The following RBM10 variants were observed in gnomAD, a reference collection of about 807,000 sequenced individuals.
RBM10 encodes the protein RNA binding motif protein 10, also known as RNA-binding protein 10.
A neutral mutation model predicts 84.9 loss-of-function variants in RBM10; 1 was observed. The observed-to-expected ratio is 0.01, with a 90% CI of 0.00 to 0.06. RBM10 has a LOEUF of 0.06. Ranked by LOEUF, RBM10 falls within the 10% of genes least tolerant of loss-of-function variation. The pLI, the probability that RBM10 is intolerant of heterozygous loss-of-function variation, is 1.00. For synonymous variants in RBM10, 326 were observed against 344.5 expected, an observed-to-expected ratio of 0.95 and a Z score of 0.60; for missense variants, 438 against 839.0, an observed-to-expected ratio of 0.52 and a Z score of 5.90.
Position 47,145,261 on chromosome X carries a change from C to T in RBM10, c.-350C>T. The stretch of plus-strand genomic sequence containing the variant: ...GTCGGAGCGCCGACTCCCTTCTCGT[C>T]GTCGCCATTTTGAGCTGGTGACTGT... On this transcript the variant is annotated 5_prime_UTR_variant, in exon 1 of 24. Coordinates refer to ENST00000377604, the MANE Select transcript of RBM10 (RefSeq NM_005676.5). 1 of 498,552 alleles carries T rather than the reference C, an allele frequency of 2.0e-6. No homozygotes were observed. Among genetic ancestry groups the T allele is most frequent in the Non-Finnish European group, 3.5e-6 (1 of 285,712 alleles). The allele number at this position is 498,552 out of a possible 1,213,427, so 41.1% of individuals were successfully genotyped here. A position where few individuals can be genotyped will look rare whatever the true frequency, so the allele number is the denominator to read the frequency against.
Position 47,171,192 on chromosome X carries a change from G to A in RBM10, c.366G>A (p.Glu122=), listed in dbSNP as rs2147136636. ...GEEEEEEEDE[E]EEEKASNIVM... ...AGGAGGAGGAGGAGGAGGATGAGGA[G>A]GAGGAGGAGAAGGCCAGTAACATCG... The change falls in exon 4 of 24, where the codon GAG becomes GAA. Residue 122 remains glutamate, a synonymous_variant. Transcript: ENST00000377604. 8.3e-7 allele frequency: 1 copy of A among 1,208,840 alleles called. No homozygotes were observed. The highest frequency in any genetic ancestry group is 1.1e-6 in the Non-Finnish European group (1 of 894,448).
intron 2 of RBM10, among the ~76,000 whole-genome samples, chrX:47,149,882 G>A (rs1200426585): frequency 6.0e-5 from 6 of 100,310 alleles, no homozygotes; most frequent in East Asian, 3.1e-4. Context: ...GTACAATGGC[G>A]CGATCTCGGC....
chrX:47,186,516 A>C lies in RBM10; in HGVS notation c.2710A>C (p.Ser904Arg). 4 of 1,210,677 alleles carry C rather than the reference A, an allele frequency of 3.3e-6. No individual in the cohort carries two copies. Among genetic ancestry groups the C allele is most frequent in the Non-Finnish European group, 4.5e-6 (4 of 894,824 alleles). Residue 904 changes from serine (S) to arginine (R), a missense_variant, in exon 24 of 24, where the codon AGC becomes CGC. Ser to Arg is a moderately radical substitution (Grantham distance 110). Coordinates refer to ENST00000377604, the MANE Select transcript of RBM10 (RefSeq NM_005676.5). ...GGGCTCCGGCCTGGGTGCACGGGGC[A>C]GCTCCTACGGGGTCACCTCAACCGA... is the stretch of plus-strand genomic sequence containing the variant. ...VRGSGLGARGSSYGVTSTESY... is the reference protein window; with the variant it reads ...VRGSGLGARGRSYGVTSTESY...
intron 6 of RBM10, 119 bp from the exon 7 acceptor site, chrX:47,176,381 C>G: frequency 7.0e-6 from 8 of 1,144,721 alleles, no homozygotes; most frequent in Non-Finnish European, 9.4e-6. Flanking sequence ...TCCGACCTCC[C>G]TCCGTTCCCT....
chrX:47,181,366 G>A lies in RBM10; in HGVS notation c.1400G>A (p.Gly467Asp), dbSNP rs782379006. Reference protein sequence around the residue: ...HGYLKGTKGPGITGTKGDPTG... With the variant: ...HGYLKGTKGPDITGTKGDPTG... ...TACCTCAAGGGCACCAAGGGCCCTGGCATCACTGGAACCAAAGGGGATCCC... is the reference window on the plus strand; with the variant it reads ...TACCTCAAGGGCACCAAGGGCCCTGACATCACTGGAACCAAAGGGGATCCC... Residue 467 changes from glycine (G) to aspartate (D), a missense_variant, in exon 13 of 24, where the codon GGC becomes GAC. Physicochemically the swap from Gly to Asp is moderately conservative, Grantham distance 94. Around this residue, in one of 8 missense-constraint regions of RBM10, gnomAD observed 97 missense variants for 110.3 expected, o/e 0.88. Coordinates refer to ENST00000377604, the MANE Select transcript of RBM10 (RefSeq NM_005676.5). 1.7e-6 allele frequency: 2 copies of A among 1,206,508 alleles called. No homozygotes were observed. The highest frequency in any genetic ancestry group is 2.2e-6 in the Non-Finnish European group (2 of 892,675).
rs1556761602 is a variant in RBM10 at position 47,145,423 on chromosome X, AG to A, written c.-186del. On this transcript the variant is annotated 5_prime_UTR_variant, in exon 1 of 24. Transcript: ENST00000377604. The stretch of plus-strand genomic sequence containing the variant: ...GCTCCGGCTGAGCTGGGAGAGTTGG[AG>A]GAGGTGGCGGCGGGCAGAGGTGATG... 4 of 1,149,111 alleles carry A rather than the reference AG, an allele frequency of 3.5e-6. No individual in the cohort carries two copies. In the African/African-American group the frequency reaches 7.3e-5, roughly 21 times the overall value. The allele number at this position is 1,149,111 out of a possible 1,213,427, so 94.7% of individuals were successfully genotyped here.
In RBM10 at chrX:47,179,429, C is replaced by G. The variant is rs2147168861; in HGVS notation, c.835C>G (p.Gln279Glu). ...TCCCCTGCCGCAGCCCTACCAGGCC[C>G]AGGGAGTCCTGGCCTCCCAAGCCCT... Reference protein sequence around the residue: ...LLPLPQPYQAQGVLASQALSQ... With the variant: ...LLPLPQPYQAEGVLASQALSQ... Residue 279 changes from glutamine to glutamate, a missense_variant, in exon 9 of 24, where the codon CAG becomes GAG. Gln to Glu is a conservative substitution (Grantham distance 29, BLOSUM62 2). Transcript: ENST00000377604. The G allele has an allele frequency of 1.7e-6, 2 of 1,203,656 alleles. No individual in the cohort carries two copies. The highest frequency in any genetic ancestry group is 2.2e-6 in the Non-Finnish European group (2 of 893,854).
intron 2 of RBM10, 77 bp from the exon 3 acceptor site, chrX:47,169,238 A>G (rs1037199334): frequency 9.7e-7 from 1 of 1,030,127 alleles, no homozygotes; most frequent in Non-Finnish European, 1.3e-6. Flanking sequence ...ACCCTACGAG[A>G]ACACATCACC....
chrX:47,174,456 G>C (rs1934963550), intron 5 of RBM10, among the ~76,000 whole-genome samples: 1 of 111,412 alleles, frequency 9.0e-6, no homozygotes, highest in African/African-American at 3.3e-5. Context: ...AACCGCCCCT[G>C]GTTTCCAATG....
At chrX:47,180,729 A>T (rs1935469746) in intron 12 of RBM10, among the ~76,000 whole-genome samples, 1 of 111,440 alleles carries the variant, frequency 9.0e-6, no homozygotes, top group Non-Finnish European at 1.9e-5. Flanking sequence ...CCATGCGCTC[A>T]TGTACGACGC....
At chrX:47,157,667 C>T in intron 2 of RBM10, 2 of 533,935 alleles carry the variant, frequency 3.7e-6, no homozygotes, top group South Asian at 5.0e-5. Flanking sequence ...GCACCAGCTC[C>T]AGGGACTGGC....
intron 2 of RBM10, among the ~76,000 whole-genome samples, chrX:47,166,779 C>CT (rs782819269): frequency 0.012 from 1,073 of 91,004 alleles, 7 homozygotes; most frequent in East Asian, 0.026. Flanking sequence ...GCAAAATTTT[C>CT]TTTTTTTTTT....
In RBM10 at chrX:47,186,278, G is replaced by A. The variant is rs2147225570; in HGVS notation, c.2558G>A (p.Arg853Gln). 5 of 1,208,110 alleles carry A rather than the reference G, an allele frequency of 4.1e-6. No homozygotes were observed. The highest frequency in any genetic ancestry group is 4.5e-6 in the Non-Finnish European group (4 of 893,374). Residue 853 changes from arginine (R) to glutamine (Q), a missense_variant, in exon 23 of 24, where the codon CGG (arginine) becomes CAG (glutamine). Physicochemically the swap from Arg to Gln is conservative, Grantham distance 43. Coordinates refer to ENST00000377604, the MANE Select transcript of RBM10 (RefSeq NM_005676.5). ...TASVDFEQPT[R>Q]DGLGSDNIGS... ...TGCAGAGACTTCGAGCAGCCTACTC[G>A]GGACGGGCTGGGCAGTGACAACATT...
rs2147219659 is a variant in RBM10, at chrX:47,185,732, A to G, written c.2372A>G (p.His791Arg). 8.3e-7 allele frequency: 1 copy of G among 1,211,444 alleles called. No homozygotes were observed. Among genetic ancestry groups the G allele is most frequent in the Non-Finnish European group, 1.1e-6 (1 of 895,372 alleles). Residue 791 changes from histidine to arginine, a missense_variant, in exon 21 of 24, where the codon CAC (histidine) becomes CGC (arginine). Physicochemically the swap from His to Arg is conservative, Grantham distance 29. Transcript: ENST00000377604. ...CTCTTGCAGCAAAACCTTGAGATTC[A>G]CCGGCGAGCCCACTTGTCAGAAAAC... ...SGLHKQNLEIHRRAHLSENEL... is the reference protein window; with the variant it reads ...SGLHKQNLEIRRRAHLSENEL...
intron 2 of RBM10, among the ~76,000 whole-genome samples, chrX:47,166,721 CT>C (rs782119624): frequency 1.8e-5 from 2 of 109,492 alleles, no homozygotes; most frequent in African/African-American, 6.6e-5. Context: ...AATCCTCCCA[CT>C]TTCACCCCGC....
At position 47,171,013 on chromosome X, in the gene RBM10, C is replaced by G. The variant is rs1569184334; in HGVS notation, c.202-15C>G. Reference sequence around the variant, plus strand: ...ACTGCCCGTCTGGTGTCACTCATCTCATTCTGTCGGCCAGGATTCCTACGA... The same window carrying G: ...ACTGCCCGTCTGGTGTCACTCATCTGATTCTGTCGGCCAGGATTCCTACGA... On this transcript the variant is annotated splice_polypyrimidine_tract_variant and intron_variant, in intron 3 of 23. Coordinates refer to ENST00000377604, the MANE Select transcript of RBM10 (RefSeq NM_005676.5). 2.2e-5 allele frequency: 27 copies of G among 1,207,701 alleles called. No individual in the cohort carries two copies. Among genetic ancestry groups the G allele is most frequent in the Non-Finnish European group, 2.9e-5 (26 of 891,975 alleles).
intron 2 of RBM10, chrX:47,157,599 GGGAAGGAGTCCA>G (rs1556765560): frequency 2.1e-6 from 1 of 468,973 alleles, no homozygotes; most frequent in Non-Finnish European, 3.9e-6. Context: ...TCTGACGGCA[GGGAAGGAGTCCA>G]GGACGATGGT....
chrX:47,153,534 T>G (rs1932879466), intron 2 of RBM10, among the ~76,000 whole-genome samples: 1 of 112,285 alleles, frequency 8.9e-6, no homozygotes, highest in South Asian at 3.6e-4. Flanking sequence ...TCATGAGTTT[T>G]TGGCAGAAAT....
In RBM10 at chrX:47,171,161, GGGA is replaced by G. The variant is rs781822942; in HGVS notation, c.357_359del (p.Glu119del). 3.3e-4 allele frequency: 387 copies of G among 1,182,515 alleles called. No individual in the cohort carries two copies. Among genetic ancestry groups the G allele is most frequent in the Admixed American group, 1.2e-3 (52 of 44,566 alleles). On this transcript the variant is annotated inframe_deletion, in exon 4 of 24. Coordinates refer to ENST00000377604, the MANE Select transcript of RBM10 (RefSeq NM_005676.5). ...GACCAGGACTATCGGACCGAGCAAGGGGAGGAGGAGGAGGAGGAGGAGGATGAG... is the reference window on the plus strand; with the variant it reads ...GACCAGGACTATCGGACCGAGCAAGGGGAGGAGGAGGAGGAGGAGGATGAG...
Sources: gnomAD v4.1 joint callset for allele counts (sites outside exome capture counted in the v4.1 genomes callset) on GRCh38, gnomAD v4.1.1 for gene constraint, gnomAD v4.1.1 regional missense constraint, MANE v1.5 for transcripts, NCBI Gene and HGNC (gene_info 2026-07-23, HGNC 2026-07-21) for gene names.